The following DACH2 variants were observed in gnomAD, a reference collection of about 807,000 sequenced individuals.
The protein encoded by DACH2 is dachshund homolog 2.
DACH2 carries 17 observed loss-of-function variants against 35.8 expected under a neutral mutation model. That is an observed-to-expected ratio of 0.48 (90% CI 0.33 to 0.71). The LOEUF is 0.71. Ranked by LOEUF, DACH2 falls within the 30% of genes least tolerant of loss-of-function variation. The probability of loss-of-function intolerance (pLI) is 0.02; values close to 1 mark genes in which losing one functional copy is unlikely to be tolerated. For missense variants in DACH2, 469 were observed against 472.7 expected, an observed-to-expected ratio of 0.99 and a Z score of 0.07; for synonymous variants, 195 against 177.3, an observed-to-expected ratio of 1.10 and a Z score of -0.79.
chrX:86,493,587 T>A (rs894525138), intron 2 of DACH2, among the ~76,000 whole-genome samples: 4 of 111,661 alleles, frequency 3.6e-5, no homozygotes, highest in African/African-American at 9.8e-5. Context: ...TTTGTGTACA[T>A]GCATGTGTGC....
chrX:86,514,718 C>T (rs1276823923), intron 3 of DACH2, among the ~76,000 whole-genome samples: 8 of 111,443 alleles, frequency 7.2e-5, no homozygotes, highest in Non-Finnish European at 1.1e-4. Flanking sequence ...CTATAGGGTG[C>T]AGCACTCCTG....
At chrX:86,335,460 T>C (rs1160994674) in intron 1 of DACH2, among the ~76,000 whole-genome samples, 1 of 111,413 alleles carries the variant, frequency 9.0e-6, no homozygotes, top group African/African-American at 3.3e-5. Flanking sequence ...CTTGAATAGG[T>C]CCTTTACATC....
At chrX:86,250,120 G>A (rs2033369496) in intron 1 of DACH2, among the ~76,000 whole-genome samples, 1 of 111,431 alleles carries the variant, frequency 9.0e-6, no homozygotes, top group Non-Finnish European at 1.9e-5. Flanking sequence ...TTACCTGCGT[G>A]ATGAAATAAT....
chrX:86,584,771 G>A (rs751953746), intron 3 of DACH2, among the ~76,000 whole-genome samples: 1 of 111,033 alleles, frequency 9.0e-6, no homozygotes, highest in East Asian at 2.9e-4. Flanking sequence ...CTATCATCCA[G>A]GTAGTGACTA....
intron 3 of DACH2, among the ~76,000 whole-genome samples, chrX:86,636,434 G>A (rs149465227): frequency 2.7e-4 from 30 of 111,304 alleles, no homozygotes; most frequent in African/African-American, 9.1e-4. Context: ...GGCAGCAAGA[G>A]TGAAACTCCA....
At chrX:86,553,887 C>G (rs1440561976) in intron 3 of DACH2, among the ~76,000 whole-genome samples, 3 of 111,059 alleles carry the variant, frequency 2.7e-5, no homozygotes, top group Non-Finnish European at 5.7e-5. Context: ...TCATGGGTAA[C>G]TATAGGGAAA....
intron 2 of DACH2, among the ~76,000 whole-genome samples, chrX:86,396,438 G>A (rs1358096599): frequency 1.0e-5 from 1 of 96,728 alleles, no homozygotes; most frequent in South Asian, 5.4e-4. Context: ...ATTGCTTTTG[G>A]TGTTTTAGAC....
intron 3 of DACH2, among the ~76,000 whole-genome samples, chrX:86,545,596 C>G (rs1206066139): frequency 2.7e-5 from 3 of 111,874 alleles, no homozygotes; most frequent in Non-Finnish European, 5.6e-5. Context: ...TGTCTCCAGT[C>G]TTAAAAACAT....
At chrX:86,159,313 A>T (rs140055854) in intron 1 of DACH2, among the ~76,000 whole-genome samples, 1 of 111,591 alleles carries the variant, frequency 9.0e-6, no homozygotes, top group African/African-American at 3.3e-5. Context: ...AATATGTTAT[A>T]TTTAAATGTA....
At chrX:86,753,280 T>C (rs2041793948) in intron 7 of DACH2, among the ~76,000 whole-genome samples, 1 of 112,169 alleles carries the variant, frequency 8.9e-6, no homozygotes, top group Non-Finnish European at 1.9e-5. Context: ...AAAACAGACA[T>C]AAATACATTC....
intron 1 of DACH2, among the ~76,000 whole-genome samples, chrX:86,263,334 G>A (rs1419864745): frequency 9.0e-6 from 1 of 111,341 alleles, no homozygotes; most frequent in Non-Finnish European, 1.9e-5. Flanking sequence ...GAATAGCATT[G>A]CAGGAGTATT....
intron 2 of DACH2, among the ~76,000 whole-genome samples, chrX:86,402,383 A>G (rs954998451): frequency 2.7e-5 from 3 of 111,970 alleles, no homozygotes; most frequent in African/African-American, 6.5e-5. Flanking sequence ...CTATACATCA[A>G]TAACTTCCAG....
intron 3 of DACH2, among the ~76,000 whole-genome samples, chrX:86,623,034 A>T: frequency 8.9e-6 from 1 of 111,910 alleles, no homozygotes; most frequent in African/African-American, 3.2e-5. Context: ...TGGTAAATTC[A>T]TTAGGCAGGT....
intron 1 of DACH2, among the ~76,000 whole-genome samples, chrX:86,265,445 T>A (rs2147966421): frequency 8.9e-6 from 1 of 111,861 alleles, no homozygotes; most frequent in South Asian, 3.7e-4. Context: ...CAGAAAACAT[T>A]ATTTATTTTT....
At chrX:86,395,440 G>A (rs989143385) in intron 2 of DACH2, among the ~76,000 whole-genome samples, 1 of 110,579 alleles carries the variant, frequency 9.0e-6, no homozygotes, top group African/African-American at 3.3e-5. Context: ...ACAACGTGCA[G>A]GTTTGTTACA....
intron 3 of DACH2, among the ~76,000 whole-genome samples, chrX:86,543,643 A>T (rs1359702885): frequency 9.0e-6 from 1 of 111,021 alleles, no homozygotes; most frequent in African/African-American, 3.3e-5. Context: ...AACCAATTTG[A>T]CAGAGCTGAA....
At chrX:86,740,519 A>G (rs2041644039) in intron 7 of DACH2, among the ~76,000 whole-genome samples, 1 of 61,334 alleles carries the variant, frequency 1.6e-5, no homozygotes, top group African/African-American at 6.6e-5. Flanking sequence ...CCACCCCACA[A>G]CAGTCCCCGG....
chrX:86,694,768 T>G (rs1290288507), intron 4 of DACH2, among the ~76,000 whole-genome samples: 1 of 111,881 alleles, frequency 8.9e-6, no homozygotes, highest in African/African-American at 3.3e-5. Flanking sequence ...TTCATTATGA[T>G]TCCAGATTTG....
At chrX:86,764,093 C>A (rs2041909529) in intron 7 of DACH2, among the ~76,000 whole-genome samples, 1 of 111,530 alleles carries the variant, frequency 9.0e-6, no homozygotes, top group African/African-American at 3.3e-5. Context: ...TGAATTGAAT[C>A]TAAATGATCA....
Sources: allele counts gnomAD v4.1 joint callset (sites outside exome capture counted in the v4.1 genomes callset), GRCh38; gene constraint gnomAD v4.1.1; transcripts MANE v1.5; gene names NCBI Gene and HGNC (gene_info 2026-07-23, HGNC 2026-07-21).